Variants in GALNT2 observed in about 807,000 individuals in gnomAD.
The protein encoded by GALNT2 is polypeptide N-acetylgalactosaminyltransferase 2.
GALNT2 carries 31 observed loss-of-function variants against 81.4 expected under a neutral mutation model. The observed-to-expected ratio is 0.38, with a 90% CI of 0.29 to 0.51. The LOEUF is 0.51. Ranked by LOEUF, GALNT2 falls within the 20% of genes least tolerant of loss-of-function variation. The probability of loss-of-function intolerance (pLI) is 0.87; values close to 1 mark genes in which losing one functional copy is unlikely to be tolerated. For synonymous variants in GALNT2, 303 were observed against 287.4 expected, an observed-to-expected ratio of 1.05 and a Z score of -0.55; for missense variants, 629 against 765.7, an observed-to-expected ratio of 0.82 and a Z score of 2.11.
At chr1:230,116,342 G>A (rs919634965) in intron 1 of GALNT2, among the ~76,000 whole-genome samples, 4 of 151,952 alleles carry the variant, frequency 2.6e-5, no homozygotes, top group Admixed American at 1.3e-4. Flanking sequence ...GAATTCTCCC[G>A]CCTCAGCCTC....
chr1:230,276,294 T>C (rs1666307367), intron 15 of GALNT2, among the ~76,000 whole-genome samples: 1 of 152,076 alleles, frequency 6.6e-6, no homozygotes, highest in Non-Finnish European at 1.5e-5. Context: ...TCTCAAGGCA[T>C]GGGGTAACAG....
At chr1:230,075,572 T>G (rs989305636) in intron 1 of GALNT2, among the ~76,000 whole-genome samples, 6 of 152,332 alleles carry the variant, frequency 3.9e-5, no homozygotes, top group African/African-American at 1.4e-4. Flanking sequence ...ATTCTTTCAG[T>G]GAGTATCTCT....
chr1:230,125,737 G>C (rs1359902823), intron 1 of GALNT2, among the ~76,000 whole-genome samples: 1 of 152,194 alleles, frequency 6.6e-6, no homozygotes, highest in East Asian at 1.9e-4. Flanking sequence ...GCTTAGATGA[G>C]AAATTGTGAG....
intron 3 of GALNT2, among the ~76,000 whole-genome samples, chr1:230,227,969 AC>A (rs1458023777): frequency 6.6e-6 from 1 of 152,222 alleles, no homozygotes; most frequent in East Asian, 1.9e-4. Flanking sequence ...ATCTAAGAGA[AC>A]CTGCAAACTG....
At chr1:230,075,121 CTTTTTTT>C (rs34482749) in intron 1 of GALNT2, among the ~76,000 whole-genome samples, 1 of 92,554 alleles carries the variant, frequency 1.1e-5, no homozygotes, top group African/African-American at 4.4e-5. Flanking sequence ...GTCTGTTTTG[CTTTTTTT>C]TTTTTTTTTT....
chr1:230,262,969 T>C lies in GALNT2; in HGVS notation c.1277T>C (p.Phe426Ser). The change falls in exon 13 of 16, where the codon TTC (phenylalanine) becomes TCC (serine). Residue 426 changes from phenylalanine (F) to serine (S), a missense_variant. Phe to Ser is a radical substitution (Grantham distance 155). Coordinates refer to ENST00000366672, the MANE Select transcript of GALNT2 (RefSeq NM_004481.5). Reference sequence around the variant, plus strand: ...AGGAAGAAACTCAGCTGCAAGCCTTTCAAATGGTACCTTGAAAATGTCTAT... The same window carrying C: ...AGGAAGAAACTCAGCTGCAAGCCTTCCAAATGGTACCTTGAAAATGTCTAT... The part of the protein sequence containing the change: ...ELRKKLSCKP[F>S]KWYLENVYPE... 1 of 1,614,248 alleles carries C rather than the reference T, an allele frequency of 6.2e-7. No homozygotes were observed. Among genetic ancestry groups the C allele is most frequent in the Non-Finnish European group, 8.5e-7 (1 of 1,180,032 alleles).
chr1:230,058,753 T>C (rs1325858043), intron 1 of GALNT2, among the ~76,000 whole-genome samples: 2 of 152,210 alleles, frequency 1.3e-5, no homozygotes. Context: ...AGCCAAGCAA[T>C]TTCTGGGAAG....
chr1:230,141,611 C>G (rs376154790), intron 1 of GALNT2, among the ~76,000 whole-genome samples: 2 of 152,108 alleles, frequency 1.3e-5, no homozygotes, highest in East Asian at 3.9e-4. Context: ...TGTTGTAGCG[C>G]GCGTCAGAGT....
chr1:230,234,950 A>C (rs969941124), intron 3 of GALNT2, among the ~76,000 whole-genome samples: 2 of 152,172 alleles, frequency 1.3e-5, no homozygotes, highest in African/African-American at 4.8e-5. Flanking sequence ...ACAGTGGCTC[A>C]TGCCGGTAAT....
chr1:230,193,757 T>G lies in GALNT2; in HGVS notation c.221-9380T>G, dbSNP rs1663601590. 6.6e-6 allele frequency among the ~76,000 whole-genome samples: 1 copy of G among 152,212 alleles called. No homozygotes were observed. Among genetic ancestry groups the G allele is most frequent in the South Asian group, 2.1e-4 (1 of 4,834 alleles). On this transcript the variant is annotated intron_variant, in intron 2 of 15. Transcript: ENST00000366672. This position sits in a 1 kb window ranked among gnomAD's most constrained non-coding sequence, Gnocchi z 4.3. ...TTTTTCAAAAAGTTCACTTGAAGAT[T>G]GGTTATTAGGATCCCAGAATGAACT...
rs779947137 is a variant in GALNT2 at position 230,255,224 on chromosome 1, C to T, written c.1016C>T (p.Ser339Leu). Residue 339 changes from serine to leucine, a missense_variant, in exon 11 of 16, where the codon TCG (serine) becomes TTG (leucine). Ser to Leu is a moderately radical substitution (Grantham distance 145). Coordinates refer to ENST00000366672, the MANE Select transcript of GALNT2 (RefSeq NM_004481.5). ...GTCTTGTTCATCGTCTCAGAGATCT[C>T]GTTCCGCGTGTGGCAGTGTGGTGGC... The part of the protein sequence containing the change: ...DVWGGENLEI[S>L]FRVWQCGGSL... 1.2e-6 allele frequency: 2 copies of T among 1,614,216 alleles called. No individual in the cohort carries two copies. The highest frequency in any genetic ancestry group is 2.2e-5 in the East Asian group (1 of 44,884).
At chr1:230,158,184 C>T (rs551980147) in intron 1 of GALNT2, among the ~76,000 whole-genome samples, 2 of 151,630 alleles carry the variant, frequency 1.3e-5, no homozygotes, top group African/African-American at 4.8e-5. Context: ...TCGGGAGGCC[C>T]GGGTAGCAGG....
Position 230,104,921 on chromosome 1 carries a change from A to G in GALNT2, c.126+37515A>G, listed in dbSNP as rs76633437. Among the ~76,000 whole-genome samples the G allele has an allele frequency of 6.4e-3, 982 of 152,320 alleles. 18 individuals carry two copies. The highest frequency in any genetic ancestry group is 0.022 in the African/African-American group (927 of 41,558). On this transcript the variant is annotated intron_variant, in intron 1 of 15. Coordinates refer to ENST00000366672, the MANE Select transcript of GALNT2 (RefSeq NM_004481.5). ...CCCCGTTCTAAGCGTAGGTTTTGCA[A>G]CTGCATACTCGGAAAATGAATCAGA...
rs969047214 is a variant in GALNT2, at chr1:230,157,067, A to G, written c.127-21151A>G. On this transcript the variant is annotated intron_variant, in intron 1 of 15. Coordinates refer to ENST00000366672, the MANE Select transcript of GALNT2 (RefSeq NM_004481.5). ...AATCCCTGCAGGAGTAAATAAGACCATCCCAGGAGGGCTCTCATTTAAGGC... is the reference window on the plus strand; with the variant it reads ...AATCCCTGCAGGAGTAAATAAGACCGTCCCAGGAGGGCTCTCATTTAAGGC... Among the ~76,000 whole-genome samples the G allele has an allele frequency of 5.9e-5, 9 of 152,356 alleles. No homozygotes were observed. The East Asian group carries it at 1.7e-3, about 29-fold the overall frequency.
chr1:230,277,483 A>G (rs891821693), intron 15 of GALNT2, among the ~76,000 whole-genome samples: 9 of 152,158 alleles, frequency 5.9e-5, no homozygotes, highest in African/African-American at 2.2e-4. Flanking sequence ...CAGCCTCAAT[A>G]CATACACACT....
At chr1:230,058,025 A>G (rs1232357754) in exon 1 of GALNT2, 2 of 456,136 alleles carry the variant, frequency 4.4e-6, no homozygotes, top group Non-Finnish European at 8.8e-6. Context: ...GCTGGAGATC[A>G]TCTATGTGGA....
intron 1 of GALNT2, among the ~76,000 whole-genome samples, chr1:230,121,586 G>A (rs1661016783): frequency 6.6e-6 from 1 of 152,174 alleles, no homozygotes; most frequent in African/African-American, 2.4e-5. Context: ...AGAATTAGGC[G>A]GATGTCCATT....
chr1:230,280,801 A>C lies in GALNT2; in HGVS notation c.*1343A>C, dbSNP rs1666416412. 1 of 152,264 alleles carries C rather than the reference A, an allele frequency of 6.6e-6. No homozygotes were observed. Among genetic ancestry groups the C allele is most frequent in the African/African-American group, 2.4e-5 (1 of 41,444 alleles). The allele number at this position is 152,264 out of a possible 1,614,324, so 9.4% of individuals were successfully genotyped here. A position where few individuals can be genotyped will look rare whatever the true frequency, so the allele number is the denominator to read the frequency against. ...GGTCAGAACCAAACAATACCTGCTC[A>C]TTTACACTGAGGATTCAGGGCGGGA... On this transcript the variant is annotated 3_prime_UTR_variant, in exon 16 of 16. Transcript: ENST00000366672.
At chr1:230,235,312 C>T (rs1664993786) in intron 3 of GALNT2, among the ~76,000 whole-genome samples, 1 of 151,898 alleles carries the variant, frequency 6.6e-6, no homozygotes, top group Non-Finnish European at 1.5e-5. Context: ...GAAATCTGCA[C>T]CTGCTTTGTA....
Sources: gnomAD v4.1 joint callset for allele counts (sites outside exome capture counted in the v4.1 genomes callset) on GRCh38, gnomAD v4.1.1 for gene constraint, Gnocchi (gnomAD v3.1) non-coding constraint, MANE v1.5 for transcripts, NCBI Gene and HGNC (gene_info 2026-07-23, HGNC 2026-07-21) for gene names.